Variants in WNK2 observed in about 807,000 individuals in gnomAD.
WNK2 encodes WNK lysine deficient protein kinase 2.
Under a neutral mutation model 192.1 loss-of-function variants are expected in WNK2, and 67 were observed. The observed-to-expected ratio is 0.35, with a 90% confidence interval of 0.29 to 0.43. The LOEUF (loss-of-function observed/expected upper bound fraction) is 0.43. Among genes scored for constraint, WNK2 ranks in the 20% least tolerant of loss-of-function variants. The probability of loss-of-function intolerance (pLI) is 1.00; values close to 1 mark genes in which losing one functional copy is unlikely to be tolerated. For synonymous variants in WNK2, 1,439 were observed against 1,393.9 expected, an observed-to-expected ratio of 1.03 and a Z score of -0.72; for missense variants, 2,698 against 3,089.7, an observed-to-expected ratio of 0.87 and a Z score of 3.01.
chr9:93,267,970 G>T (rs749620419), intron 17 of WNK2, 50 bp from the exon 18 acceptor site: 6 of 1,606,974 alleles, frequency 3.7e-6, no homozygotes, highest in Non-Finnish European at 4.2e-6. Context: ...GGCTGGGCAG[G>T]TGGGCGCTGC....
At chr9:93,249,355 CTGACTGATGAT>C (rs752278564) in intron 8 of WNK2, among the ~76,000 whole-genome samples, 1 of 152,212 alleles carries the variant, frequency 6.6e-6, no homozygotes, top group Non-Finnish European at 1.5e-5. Context: ...GAGACATCGA[CTGACTGATGAT>C]TGCAATTCAG....
At position 93,290,330 on chromosome 9, in the gene WNK2, AG is replaced by A. The variant is rs1385934513; in HGVS notation, c.4936+284del. ...AACACAAATTGTTAAGCTTCTTATG[AG>A]CTTTTTTTTTTTTTTCAATTTTTTA... On this transcript the variant is annotated intron_variant, in intron 21 of 29. Coordinates refer to ENST00000427277, the MANE Select transcript of WNK2 (RefSeq NM_006648.4). 2.4e-4 allele frequency among the ~76,000 whole-genome samples: 35 copies of A among 147,004 alleles called. No individual in the cohort carries two copies. The South Asian group carries it at 7.0e-3, about 30-fold the overall frequency.
intron 23 of WNK2, among the ~76,000 whole-genome samples, chr9:93,294,142 A>G (rs765291090): frequency 6.6e-6 from 1 of 152,196 alleles, no homozygotes; most frequent in Non-Finnish European, 1.5e-5. Flanking sequence ...TCACAGGCTT[A>G]TGTGGGAAGA....
chr9:93,289,555 G>A lies in WNK2; in HGVS notation c.4801G>A (p.Asp1601Asn). The A allele has an allele frequency of 2.6e-6, 4 of 1,558,024 alleles. No individual in the cohort carries two copies. Among genetic ancestry groups the A allele is most frequent in the Non-Finnish European group, 2.6e-6 (3 of 1,150,548 alleles). Residue 1601 changes from aspartate (D) to asparagine (N), a missense_variant, in exon 20 of 30, where the codon GAC (aspartate) becomes AAC (asparagine). By Grantham distance (23) the Asp-to-Asn change is conservative. Around this residue, in one of 7 missense-constraint regions of WNK2, gnomAD observed 1,098 missense variants for 1,101.0 expected, o/e 1.00. Transcript: ENST00000427277. ...DQPRSEVCGGDLALPPVPKEA... is the reference protein window; with the variant it reads ...DQPRSEVCGGNLALPPVPKEA... ...GCCCCGCTCAGAGGTCTGCGGGGGG[G>A]ACCTGGCCCTGCCCCCAGTGCCTAA...
At chr9:93,216,988 C>G (rs1270379059) in intron 2 of WNK2, among the ~76,000 whole-genome samples, 1 of 150,418 alleles carries the variant, frequency 6.6e-6, no homozygotes, top group East Asian at 1.9e-4. Flanking sequence ...GAGACGAAGT[C>G]TTGCTCTGTT....
intron 29 of WNK2, chr9:93,317,910 G>C (rs753024981): frequency 6.3e-7 from 1 of 1,596,614 alleles, no homozygotes; most frequent in South Asian, 1.1e-5. Flanking sequence ...ACCAGGTGTG[G>C]TTTGGCCTCC....
At chr9:93,211,416 CCACT>C (rs1230478523) in intron 2 of WNK2, among the ~76,000 whole-genome samples, 1 of 145,722 alleles carries the variant, frequency 6.9e-6, no homozygotes, top group Non-Finnish European at 1.5e-5. Context: ...CACTTACCCA[CCACT>C]CATTCACTCA....
intron 7 of WNK2, among the ~76,000 whole-genome samples, chr9:93,243,901 C>T (rs981751145): frequency 1.3e-5 from 2 of 152,268 alleles, no homozygotes; most frequent in Non-Finnish European, 2.9e-5. Context: ...GCTAGAGAGA[C>T]ACTAGCACCT....
At chr9:93,278,153 C>T (rs1847217448) in intron 19 of WNK2, among the ~76,000 whole-genome samples, 1 of 152,058 alleles carries the variant, frequency 6.6e-6, no homozygotes, top group Non-Finnish European at 1.5e-5. Flanking sequence ...GTTTCTATTC[C>T]AGAGCAGGGA....
At chr9:93,213,039 A>G (rs912500887) in intron 2 of WNK2, among the ~76,000 whole-genome samples, 2 of 143,472 alleles carry the variant, frequency 1.4e-5, no homozygotes, top group Non-Finnish European at 3.1e-5. Context: ...CTTTTCCCTC[A>G]TTTGTGTATC....
rs1015738637 is a variant in WNK2 at position 93,229,071 on chromosome 9, A to G, written c.682-625A>G. Among the ~76,000 whole-genome samples the G allele has an allele frequency of 1.3e-5, 2 of 152,136 alleles. No individual in the cohort carries two copies. Among genetic ancestry groups the G allele is most frequent in the Non-Finnish European group, 2.9e-5 (2 of 68,036 alleles). ...TGGTGGCGTTTGTTTGCTGTTTTCTATTTAAACTTAGGTCAGTGATTGGTT... is the reference window on the plus strand; with the variant it reads ...TGGTGGCGTTTGTTTGCTGTTTTCTGTTTAAACTTAGGTCAGTGATTGGTT... On this transcript the variant is annotated intron_variant, in intron 2 of 29. Coordinates refer to ENST00000427277, the MANE Select transcript of WNK2 (RefSeq NM_006648.4). This position sits in a 1 kb window ranked among gnomAD's most constrained non-coding sequence, Gnocchi z 4.9.
At chr9:93,209,042 G>T (rs947543477) in intron 2 of WNK2, among the ~76,000 whole-genome samples, 1 of 152,168 alleles carries the variant, frequency 6.6e-6, no homozygotes, top group Non-Finnish European at 1.5e-5. Flanking sequence ...CCAAGAGGTT[G>T]CAGCTCTCCT....
chr9:93,261,963 C>T lies in WNK2; in HGVS notation c.3216C>T (p.Ser1072=), dbSNP rs1844347704. The part of the protein sequence containing the change: ...APELLPQFPS[S]LATVSASVQS... ...AGCTCCTGCCTCAGTTCCCCAGCTC[C>T]CTGGCCACGGTGTCTGCCTCTGTGC... The change falls in exon 13 of 30, where the codon TCC becomes TCT. Residue 1072 remains serine, a synonymous_variant. Transcript: ENST00000427277. 1 of 1,611,884 alleles carries T rather than the reference C, an allele frequency of 6.2e-7. No homozygotes were observed. The highest frequency in any genetic ancestry group is 8.5e-7 in the Non-Finnish European group (1 of 1,179,720).
intron 16 of WNK2, among the ~76,000 whole-genome samples, chr9:93,265,698 A>AT (rs1845054377): frequency 6.6e-6 from 1 of 152,282 alleles, no homozygotes; most frequent in South Asian, 2.1e-4. Context: ...CCGTGAAGTT[A>AT]TCACTCAGCC....
rs1330912323 is a variant in WNK2 at position 93,185,434 on chromosome 9, C to A, written c.505C>A (p.Arg169Ser). ...GGCGAAGCCTGAGCCCGGGCGCACT[C>A]GCCGGGACGAGCCCGAAGAGGAGGA... Reference protein sequence around the residue: ...AEAKPEPGRTRRDEPEEEEDD... With the variant: ...AEAKPEPGRTSRDEPEEEEDD... The change falls in exon 2 of 30, where the codon CGC becomes AGC. Residue 169 changes from arginine (R) to serine (S), a missense_variant. Around this residue, in one of 7 missense-constraint regions of WNK2, gnomAD observed 260 missense variants for 285.6 expected, o/e 0.91. Transcript: ENST00000427277. The A allele has an allele frequency of 6.2e-7, 1 of 1,611,720 alleles. No individual in the cohort carries two copies. Among genetic ancestry groups the A allele is most frequent in the South Asian group, 1.1e-5 (1 of 90,946 alleles).
intron 1 of WNK2, among the ~76,000 whole-genome samples, 80 bp downstream of exon 1, chr9:93,184,465 C>G (rs1223708713): frequency 6.6e-6 from 1 of 151,792 alleles, no homozygotes; most frequent in Non-Finnish European, 1.5e-5. Context: ...CCCCGCGCGC[C>G]CCTCCCGCGC....
rs1385538130 is a variant in WNK2 at position 93,292,754 on chromosome 9, C to A, written c.5289C>A (p.His1763Gln). Residue 1763 changes from histidine (H) to glutamine (Q), a missense_variant, in exon 23 of 30, where the codon CAC becomes CAA. Physicochemically the swap from His to Gln is conservative, Grantham distance 24. Around this residue, in one of 7 missense-constraint regions of WNK2, gnomAD observed 1,098 missense variants for 1,101.0 expected, o/e 1.00. Transcript: ENST00000427277. ...ACGAGTGGACCCTGGCCTCCCCCCA[C>A]AGCCTGAGATACTCTGCCCCACCCG... ...TQDEWTLASP[H>Q]SLRYSAPPDV... 2 of 1,563,486 alleles carry A rather than the reference C, an allele frequency of 1.3e-6. No individual in the cohort carries two copies. The highest frequency in any genetic ancestry group is 2.4e-5 in the South Asian group (2 of 84,566).
chr9:93,277,512 G>C (rs1041131839), intron 19 of WNK2, among the ~76,000 whole-genome samples: 1 of 152,126 alleles, frequency 6.6e-6, no homozygotes. Flanking sequence ...CTTTGAAAAA[G>C]AAATATATCA....
intron 29 of WNK2, chr9:93,317,929 C>A: frequency 1.2e-6 from 2 of 1,604,256 alleles, no homozygotes; most frequent in Non-Finnish European, 1.7e-6. Flanking sequence ...CCGAGTCCCC[C>A]CCACCGCCTG....
Sources: gnomAD v4.1 joint callset for allele counts (sites outside exome capture counted in the v4.1 genomes callset) on GRCh38, gnomAD v4.1.1 for gene constraint, gnomAD v4.1.1 regional missense constraint, Gnocchi (gnomAD v3.1) non-coding constraint, MANE v1.5 for transcripts, NCBI Gene and HGNC (gene_info 2026-07-23, HGNC 2026-07-21) for gene names.